Variants in INO80 observed in about 807,000 individuals in gnomAD.
The protein encoded by INO80 is chromatin-remodeling ATPase INO80.
A neutral mutation model predicts 203.4 loss-of-function variants in INO80; 20 were observed. The observed-to-expected ratio is 0.10, with a 90% CI of 0.07 to 0.14. The LOEUF is 0.14. Among genes scored for constraint, INO80 ranks in the 10% least tolerant of loss-of-function variants. The probability of loss-of-function intolerance (pLI) is 1.00; values close to 1 mark genes in which losing one functional copy is unlikely to be tolerated. For synonymous variants in INO80, 726 were observed against 685.2 expected (o/e 1.06, Z -0.93); for missense variants, 1,419 against 1,914.4 (o/e 0.74, Z 4.83).
At chr15:41,014,449 G>T (rs921246331) in intron 27 of INO80, among the ~76,000 whole-genome samples, 1 of 152,134 alleles carries the variant, frequency 6.6e-6, no homozygotes, top group Non-Finnish European at 1.5e-5. Context: ...TCATCTGTTT[G>T]AACAGAACAC....
In INO80 at chr15:41,099,264, A is replaced by AAAAC. The variant is rs1399037951; in HGVS notation, c.-43-2915_-43-2912dup. ...AAAAAAAAAAAAAAAAAAAAAAAAA[A>AAAAC]AAACAAACACACACACACACACACA... On this transcript the variant is annotated intron_variant, in intron 1 of 35. Transcript: ENST00000648947. Among the ~76,000 whole-genome samples, 5 of 128,196 alleles carry AAAAC rather than the reference A, an allele frequency of 3.9e-5. No individual in the cohort carries two copies. In the East Asian group the frequency reaches 8.1e-4, roughly 21 times the overall value. The allele number at this position is 128,196 out of a possible 152,430, so 84.1% of individuals were successfully genotyped here.
In INO80 at chr15:41,021,076, T is replaced by C. The variant is rs775664420; in HGVS notation, c.3098A>G (p.Tyr1033Cys). The C allele has an allele frequency of 6.2e-7, 1 of 1,614,216 alleles. No individual in the cohort carries two copies. Among genetic ancestry groups the C allele is most frequent in the South Asian group, 1.1e-5 (1 of 91,090 alleles). ...TCCTTCCTTCAGAACTCGCCTTTCATATTCTGCACTTCGGTCATTGCAGTA... is the reference window on the plus strand; with the variant it reads ...TCCTTCCTTCAGAACTCGCCTTTCACATTCTGCACTTCGGTCATTGCAGTA... ...DSYCNDRSAE[Y>C]ERRVLKEGGS... Residue 1033 changes from tyrosine to cysteine, a missense_variant, in exon 26 of 36, where the codon TAT (tyrosine) becomes TGT (cysteine). This residue lies in a region of INO80 where 302 missense variants were observed against 345.4 expected (regional missense o/e 0.87). Transcript: ENST00000648947.
intron 18 of INO80, 26 bp from the exon 19 acceptor site, chr15:41,054,040 A>G: frequency 6.3e-7 from 1 of 1,575,700 alleles, no homozygotes; most frequent in South Asian, 1.1e-5. Flanking sequence ...GCCCCCAAAT[A>G]ATACATTATA....
intron 25 of INO80, among the ~76,000 whole-genome samples, chr15:41,026,484 T>C (rs932266388): frequency 3.3e-5 from 5 of 151,730 alleles, no homozygotes; most frequent in South Asian, 2.1e-4. Flanking sequence ...GCCCAGGAGG[T>C]TGAGGTTGCA....
intron 27 of INO80, among the ~76,000 whole-genome samples, chr15:41,007,263 A>ACCT (rs973032042): frequency 6.9e-6 from 1 of 144,802 alleles, no homozygotes; most frequent in Non-Finnish European, 1.5e-5. Context: ...GTTCACTGCA[A>ACCT]CCTCCTCCTC....
chr15:41,054,206 T>C (rs530880949), intron 18 of INO80, among the ~76,000 whole-genome samples, 192 bp from the exon 19 acceptor site: 1 of 152,332 alleles, frequency 6.6e-6, no homozygotes, highest in Non-Finnish European at 1.5e-5. Flanking sequence ...CTTGCTATAG[T>C]CAACAGGATA....
chr15:41,061,177 C>A (rs771640003), intron 14 of INO80, among the ~76,000 whole-genome samples: 1 of 151,882 alleles, frequency 6.6e-6, no homozygotes, highest in African/African-American at 2.4e-5. Flanking sequence ...TGTGGTGACA[C>A]GCGCCTGCAG....
chr15:41,085,309 T>G (rs1233870960), intron 7 of INO80, 60 bp downstream of exon 7: 3 of 1,411,604 alleles, frequency 2.1e-6, no homozygotes, highest in Non-Finnish European at 3.0e-6. Context: ...GAGTTCCTCT[T>G]TAGTGGGTGG....
intron 1 of INO80, among the ~76,000 whole-genome samples, chr15:41,101,216 T>C (rs553696096): frequency 6.6e-6 from 1 of 152,288 alleles, no homozygotes; most frequent in African/African-American, 2.4e-5. Flanking sequence ...GCTGCTGCAA[T>C]AACCACTTTC....
At chr15:41,021,262 C>G in intron 25 of INO80, 137 bp from the exon 26 acceptor site, 1 of 609,334 alleles carries the variant, frequency 1.6e-6, no homozygotes, top group South Asian at 2.2e-5. Context: ...TTCTGGCACA[C>G]TAAGCTGTCC....
intron 4 of INO80, among the ~76,000 whole-genome samples, chr15:41,093,292 G>C (rs2045671809): frequency 6.6e-6 from 1 of 152,058 alleles, no homozygotes; most frequent in Non-Finnish European, 1.5e-5. Flanking sequence ...AGGCGTGGTG[G>C]CAAGCGCCTG....
Position 41,079,707 on chromosome 15 carries a change from C to T in INO80, c.1125G>A (p.Met375Ile). 1 of 1,614,132 alleles carries T rather than the reference C, an allele frequency of 6.2e-7. No individual in the cohort carries two copies. The highest frequency in any genetic ancestry group is 8.5e-7 in the Non-Finnish European group (1 of 1,179,974). Reference protein sequence around the residue: ...ALEQRKLDEEMREAKRQQRKL... With the variant: ...ALEQRKLDEEIREAKRQQRKL... ...TGTTATGCTTTTGCCCTACCTCCCGCATTTCCTCATCCAACTTCCGCTGCT... is the reference window on the plus strand; with the variant it reads ...TGTTATGCTTTTGCCCTACCTCCCGTATTTCCTCATCCAACTTCCGCTGCT... The change falls in exon 9 of 36, where the codon ATG becomes ATA. Residue 375 changes from methionine to isoleucine, a missense_variant. Around this residue, in one of 9 missense-constraint regions of INO80, gnomAD observed 87 missense variants for 150.5 expected, o/e 0.58. Coordinates refer to ENST00000648947, the MANE Select transcript of INO80 (RefSeq NM_017553.3).
chr15:41,023,318 A>G (rs1248078423), intron 25 of INO80: 1 of 456,000 alleles, frequency 2.2e-6, no homozygotes, highest in Non-Finnish European at 4.4e-6. Context: ...CAGAGCAAAC[A>G]TCTCCCATGT....
chr15:41,029,021 T>C (rs1332049059), intron 24 of INO80, among the ~76,000 whole-genome samples: 2 of 152,226 alleles, frequency 1.3e-5, no homozygotes, highest in Admixed American at 1.3e-4. Flanking sequence ...AGTATGTTAT[T>C]CGTTTTATCT....
At chr15:41,108,139 T>C (rs1189986946) in intron 1 of INO80, among the ~76,000 whole-genome samples, 1 of 152,188 alleles carries the variant, frequency 6.6e-6, no homozygotes, top group Admixed American at 6.5e-5. Flanking sequence ...TGTAAAGTTC[T>C]ATGGGTTTTG....
At chr15:41,041,441 T>A (rs117674119) in intron 24 of INO80, among the ~76,000 whole-genome samples, 1,770 of 151,708 alleles carry the variant, frequency 0.012, 16 homozygotes, top group Non-Finnish European at 0.019. Flanking sequence ...CTTTTTTTTT[T>A]TTTTCTTTCT....
intron 7 of INO80, among the ~76,000 whole-genome samples, chr15:41,082,418 G>A (rs2045499419): frequency 6.7e-6 from 1 of 149,140 alleles, no homozygotes; most frequent in Admixed American, 6.7e-5. Flanking sequence ...AAACAGAATT[G>A]GGCCGGGCGT....
At chr15:41,001,585 G>T (rs990433379) in intron 28 of INO80, among the ~76,000 whole-genome samples, 1 of 152,202 alleles carries the variant, frequency 6.6e-6, no homozygotes, top group African/African-American at 2.4e-5. Context: ...TAAAGGTCAT[G>T]GGTTAGGAGG....
intron 19 of INO80, among the ~76,000 whole-genome samples, chr15:41,052,531 G>C (rs1462369207): frequency 6.6e-6 from 1 of 151,842 alleles, no homozygotes; most frequent in East Asian, 1.9e-4. Context: ...AAATTAGCCA[G>C]GTGTGGTGGT....
Sources: gnomAD v4.1 joint callset for allele counts (sites outside exome capture counted in the v4.1 genomes callset) on GRCh38, gnomAD v4.1.1 for gene constraint, gnomAD v4.1.1 regional missense constraint, MANE v1.5 for transcripts, NCBI Gene and HGNC (gene_info 2026-07-23, HGNC 2026-07-21) for gene names.